The following IL31RA variants were observed in gnomAD, a reference collection of about 807,000 sequenced individuals.
IL31RA encodes interleukin 31 receptor A.
A neutral mutation model predicts 83.7 loss-of-function variants in IL31RA; 66 were observed. The observed-to-expected ratio is 0.79, with a 90% CI of 0.65 to 0.97. The LOEUF is 0.97. IL31RA is among the 50% of genes least tolerant of loss of function. The probability of loss-of-function intolerance (pLI) is 0.00; values close to 1 mark genes in which losing one functional copy is unlikely to be tolerated. For missense variants in IL31RA, 798 were observed against 919.4 expected, an observed-to-expected ratio of 0.87 and a Z score of 1.71; for synonymous variants, 325 against 329.0, an observed-to-expected ratio of 0.99 and a Z score of 0.13.
rs70995742 is a variant in IL31RA, at chr5:55,867,304, CGT to C, written c.155-1475_155-1474del. On this transcript the variant is annotated intron_variant, in intron 2 of 14. Transcript: ENST00000652347. ...ATGTGTGTGTGCATGTGTGTGTGTG[CGT>C]GTGTGTGTGTGCGTGTGTGTGTGTG... Among the ~76,000 whole-genome samples the C allele has an allele frequency of 4.0e-3, 469 of 118,246 alleles. 10 individuals carry two copies. Among genetic ancestry groups the C allele is most frequent in the African/African-American group, 0.016 (422 of 26,308 alleles). 77.6% of individuals were successfully genotyped at this position (118,246 alleles called of 152,430 possible). A position where few individuals can be genotyped will look rare whatever the true frequency, so the allele number is the denominator to read the frequency against.
chr5:55,897,384 G>A (rs538623102), intron 7 of IL31RA, among the ~76,000 whole-genome samples: 14 of 152,096 alleles, frequency 9.2e-5, no homozygotes, highest in African/African-American at 3.1e-4. Context: ...GGGGTGGGTA[G>A]AAAGTGAAAG....
Position 55,859,591 on chromosome 5 carries a change from G to T in IL31RA, c.146G>T (p.Ser49Ile). The T allele has an allele frequency of 6.2e-7, 1 of 1,608,760 alleles. No homozygotes were observed. The highest frequency in any genetic ancestry group is 8.5e-7 in the Non-Finnish European group (1 of 1,175,292). Residue 49 changes from serine to isoleucine, a missense_variant, in exon 2 of 15, where the codon AGC becomes ATC. Physicochemically the swap from Ser to Ile is moderately radical, Grantham distance 142. Transcript: ENST00000652347. ...LWMLPSLCKF[S>I]LAALPAKPEN... ...ATGCTCCCCTCACTCTGCAAATTCAGCCTGGCAGGTAGGTTGACCTGGGCC... is the reference window on the plus strand; with the variant it reads ...ATGCTCCCCTCACTCTGCAAATTCATCCTGGCAGGTAGGTTGACCTGGGCC...
In IL31RA at chr5:55,918,379, G is replaced by T. The variant is rs916099996; in HGVS notation, c.*1259G>T. 6.6e-6 allele frequency among the ~76,000 whole-genome samples: 1 copy of T among 152,172 alleles called. No individual in the cohort carries two copies. Among genetic ancestry groups the T allele is most frequent in the Non-Finnish European group, 1.5e-5 (1 of 68,028 alleles). On this transcript the variant is annotated 3_prime_UTR_variant, in exon 15 of 15. Transcript: ENST00000652347. Reference sequence around the variant, plus strand: ...AACTTCGCAAGCCACCCACTCAGGTGTGCAAAACATCACTTTACTTTCCTA... The same window carrying T: ...AACTTCGCAAGCCACCCACTCAGGTTTGCAAAACATCACTTTACTTTCCTA...
At chr5:55,864,571 A>G (rs995392558) in intron 2 of IL31RA, among the ~76,000 whole-genome samples, 1 of 150,582 alleles carries the variant, frequency 6.6e-6, no homozygotes, top group Non-Finnish European at 1.5e-5. Context: ...TATGTCACAC[A>G]TACCACACAA....
rs1303913358 is a variant in IL31RA, at chr5:55,908,311, G to T, written c.1401G>T (p.Lys467Asn). ...CCAAGGTGGAGAACATTGGCGTGAA[G>T]ACGGTCACGATCACATGGAAAGAGA... Reference protein sequence around the residue: ...PETKVENIGVKTVTITWKEIP... With the variant: ...PETKVENIGVNTVTITWKEIP... Residue 467 changes from lysine to asparagine, a missense_variant, in exon 11 of 15, where the codon AAG becomes AAT. Coordinates refer to ENST00000652347, the MANE Select transcript of IL31RA (RefSeq NM_139017.7). 1.2e-6 allele frequency: 2 copies of T among 1,614,178 alleles called. No individual in the cohort carries two copies. Among genetic ancestry groups the T allele is most frequent in the African/African-American group, 2.7e-5 (2 of 75,028 alleles).
At chr5:55,878,607 G>T (rs1747003849) in intron 4 of IL31RA, among the ~76,000 whole-genome samples, 1 of 152,252 alleles carries the variant, frequency 6.6e-6, no homozygotes, top group Non-Finnish European at 1.5e-5. Context: ...TCTTGTGTAG[G>T]CCTGGCTGGT....
At chr5:55,867,155 GTT>G (rs1561543013) in intron 2 of IL31RA, among the ~76,000 whole-genome samples, 15 of 133,306 alleles carry the variant, frequency 1.1e-4, no homozygotes, top group African/African-American at 3.7e-4. Flanking sequence ...GTGCATGTGT[GTT>G]TGTGTGTGTG....
intron 5 of IL31RA, 101 bp downstream of exon 5, chr5:55,883,296 T>A: frequency 9.1e-7 from 1 of 1,102,806 alleles, no homozygotes; most frequent in Non-Finnish European, 1.4e-6. Flanking sequence ...CTTTTTACAT[T>A]AAAAATAGAA....
intron 3 of IL31RA, among the ~76,000 whole-genome samples, chr5:55,870,288 C>T (rs1401400299): frequency 6.6e-6 from 1 of 152,144 alleles, no homozygotes; most frequent in East Asian, 1.9e-4. Context: ...ATTTTTCAAC[C>T]ATTAACAGCA....
the IL31RA span, among the ~76,000 whole-genome samples, chr5:55,844,434 C>T: frequency 8.6e-5 from 13 of 152,030 alleles, no homozygotes; most frequent in Non-Finnish European, 1.8e-4. Flanking sequence ...GTAAAAGAAA[C>T]ACTTCTATTT....
chr5:55,849,434 TTAA>T (rs1745002873), upstream of IL31RA, among the ~76,000 whole-genome samples: 1 of 152,214 alleles, frequency 6.6e-6, no homozygotes, highest in Admixed American at 6.5e-5. Flanking sequence ...GTTAAATCCA[TTAA>T]TGTTTTCATT....
At chr5:55,851,756 A>C in intron 1 of IL31RA, 123 bp downstream of exon 1, 1 of 1,594,436 alleles carries the variant, frequency 6.3e-7, no homozygotes, top group Non-Finnish European at 8.6e-7. Flanking sequence ...GAGCCGTATG[A>C]GATTCCGTGG....
intron 4 of IL31RA, among the ~76,000 whole-genome samples, chr5:55,879,425 C>CTGTTTTTTTTTTTTT (rs1747055938): frequency 2.2e-5 from 1 of 45,800 alleles, no homozygotes; most frequent in Non-Finnish European, 3.6e-5. Flanking sequence ...AGTTTCTGTC[C>CTGTTTTTTTTTTTTT]TTTTTTTTTT....
Position 55,922,450 on chromosome 5 carries a change from A to C in IL31RA, c.*5330A>C. The C allele has an allele frequency of 6.5e-7, 1 of 1,548,088 alleles. No individual in the cohort carries two copies. Among genetic ancestry groups the C allele is most frequent in the Admixed American group, 2.0e-5 (1 of 50,996 alleles). ...CAATATAAGTGTGGACTAAAATGCGAGAAAGGTGTCCTGTGGTCTATGCAA... is the reference window on the plus strand; with the variant it reads ...CAATATAAGTGTGGACTAAAATGCGCGAAAGGTGTCCTGTGGTCTATGCAA... On this transcript the variant is annotated 3_prime_UTR_variant, in exon 15 of 15. Transcript: ENST00000652347.
rs1411674561 is a variant in IL31RA, at chr5:55,922,268, A to T, written c.*5148A>T. Reference sequence around the variant, plus strand: ...AAGACGCTTGTCGTGTGCTGATGAAAAGGGCTGGGGAGAAGCAAGGGGCAG... The same window carrying T: ...AAGACGCTTGTCGTGTGCTGATGAATAGGGCTGGGGAGAAGCAAGGGGCAG... On this transcript the variant is annotated 3_prime_UTR_variant, in exon 15 of 15. Coordinates refer to ENST00000652347, the MANE Select transcript of IL31RA (RefSeq NM_139017.7). 1.7e-5 allele frequency: 13 copies of T among 761,484 alleles called. No individual in the cohort carries two copies. Among genetic ancestry groups the T allele is most frequent in the Admixed American group, 1.6e-4 (8 of 49,924 alleles). The allele number at this position is 761,484 out of a possible 1,614,324, so 47.2% of individuals were successfully genotyped here.
Position 55,883,211 on chromosome 5 carries a change from A to T in IL31RA, c.606+16A>T. 2 of 1,601,524 alleles carry T rather than the reference A, an allele frequency of 1.2e-6. No individual in the cohort carries two copies. The highest frequency in any genetic ancestry group is 1.7e-4 in the Middle Eastern group (1 of 6,016). ...TACCAGCTGGGTAAGTTATGCCATT[A>T]TAATAATATTCCAATTAGAGGCCCA... On this transcript the variant is annotated intron_variant, in intron 5 of 14. Coordinates refer to ENST00000652347, the MANE Select transcript of IL31RA (RefSeq NM_139017.7).
In IL31RA at chr5:55,899,957, C is replaced by T. The variant is rs140184992; in HGVS notation, c.894C>T (p.Tyr298=). 6.2e-7 allele frequency: 1 copy of T among 1,614,076 alleles called. No homozygotes were observed. Among genetic ancestry groups the T allele is most frequent in the African/African-American group, 1.3e-5 (1 of 74,928 alleles). ...CAGTCCTAGAGAAAACACTTGGCTA[C>T]AACATATGGTACTATCCAGAAAGCA... is the stretch of plus-strand genomic sequence containing the variant. ...GAPVLEKTLG[Y]NIWYYPESNT... Residue 298 remains tyrosine, a synonymous_variant, in exon 8 of 15, where the codon TAC becomes TAT. Coordinates refer to ENST00000652347, the MANE Select transcript of IL31RA (RefSeq NM_139017.7).
chr5:55,870,907 G>A (rs555474490), intron 3 of IL31RA, among the ~76,000 whole-genome samples: 16 of 152,170 alleles, frequency 1.1e-4, no homozygotes, highest in Non-Finnish European at 2.2e-4. Flanking sequence ...GCTGAAAGGA[G>A]GTCTAGAGGT....
At chr5:55,891,761 ATTTTTT>A (rs35672011) in intron 6 of IL31RA, among the ~76,000 whole-genome samples, 2,855 of 59,602 alleles carry the variant, frequency 0.048, 18 homozygotes, top group African/African-American at 0.11. Context: ...TTTGGACAAG[ATTTTTT>A]TTTTTTTTTT....
Sources: gnomAD v4.1 joint callset for allele counts (sites outside exome capture counted in the v4.1 genomes callset) on GRCh38, gnomAD v4.1.1 for gene constraint, MANE v1.5 for transcripts, NCBI Gene and HGNC (gene_info 2026-07-23, HGNC 2026-07-21) for gene names.